CCN5: variants seen among roughly 807,000 people sequenced by gnomAD.
The protein encoded by CCN5 is CCN family member 5.
In CCN5, 17 loss-of-function variants were observed where a neutral mutation model predicts 18.7. The ratio of observed to expected loss-of-function variants is 0.91; its 90% CI spans 0.62 to 1.36. The LOEUF (loss-of-function observed/expected upper bound fraction) is 1.36, where lower values mean the gene tolerates loss of function less well. Ranked by LOEUF, CCN5 falls within the 40% of genes most tolerant of loss-of-function variation. CCN5 has a pLI of 0.00. For synonymous variants in CCN5, 135 were observed against 145.2 expected, an observed-to-expected ratio of 0.93 and a Z score of 0.50; for missense variants, 367 against 342.9, an observed-to-expected ratio of 1.07 and a Z score of -0.56.
Position 44,727,082 on chromosome 20 carries a change from C to A in CCN5, c.533-5C>A, listed in dbSNP as rs200713905. ...CAGTGCTAACTCTTGTTCTTTCCCCCCTAGGACCCCAGTTTTCTGGCCTTG... is the reference window on the plus strand; with the variant it reads ...CAGTGCTAACTCTTGTTCTTTCCCCACTAGGACCCCAGTTTTCTGGCCTTG... On this transcript the variant is annotated splice_region_variant and splice_polypyrimidine_tract_variant and intron_variant, in intron 3 of 3. Transcript: ENST00000190983. The A allele has an allele frequency of 1.5e-4, 232 of 1,575,564 alleles. No homozygotes were observed. Among genetic ancestry groups the A allele is most frequent in the Non-Finnish European group, 1.8e-4 (203 of 1,158,454 alleles).
intron 1 of CCN5, 118 bp from the exon 2 acceptor site, chr20:44,719,779 G>T: frequency 1.9e-6 from 2 of 1,056,382 alleles, no homozygotes; most frequent in Admixed American, 2.7e-5. Flanking sequence ...GGTCTGCATG[G>T]CTCTGAGGCT....
chr20:44,716,317 C>G (rs1220184129), intron 1 of CCN5, among the ~76,000 whole-genome samples: 1 of 152,174 alleles, frequency 6.6e-6, no homozygotes, highest in East Asian at 1.9e-4. Context: ...ATGCTGAGTT[C>G]CCAGAGCCAT....
intron 2 of CCN5, 34 bp from the exon 3 acceptor site, chr20:44,724,704 G>T: frequency 6.2e-7 from 1 of 1,610,370 alleles, no homozygotes; most frequent in Non-Finnish European, 8.5e-7. Context: ...CCGCTTTGCG[G>T]GTCACCGATG....
Position 44,724,807 on chromosome 20 carries a change from A to G in CCN5, c.347A>G (p.His116Arg). 6.2e-7 allele frequency: 1 copy of G among 1,611,944 alleles called. No homozygotes were observed. Among genetic ancestry groups the G allele is most frequent in the Non-Finnish European group, 8.5e-7 (1 of 1,179,660 alleles). The change falls in exon 3 of 4, where the codon CAC (histidine) becomes CGC (arginine). Residue 116 changes from histidine (H) to arginine (R), a missense_variant. By Grantham distance (29) the His-to-Arg change is conservative (BLOSUM62 0). Transcript: ENST00000190983. The part of the protein sequence containing the change: ...LYREGETFQP[H>R]CSIRCRCEDG... The stretch of plus-strand genomic sequence containing the variant: ...CGGGAAGGGGAGACCTTCCAGCCCC[A>G]CTGCAGCATCCGCTGCCGCTGCGAG...
intron 1 of CCN5, 145 bp downstream of exon 1, chr20:44,715,595 G>T: frequency 1.1e-6 from 1 of 892,862 alleles, no homozygotes; most frequent in Non-Finnish European, 1.7e-6. Context: ...GCCTAAGCAG[G>T]GCTTCTCTCC....
Position 44,720,054 on chromosome 20 carries a change from G to T in CCN5, c.218G>T (p.Ser73Ile). Residue 73 changes from serine (S) to isoleucine (I), a missense_variant, in exon 2 of 4, where the codon AGC becomes ATC. Physicochemically the swap from Ser to Ile is moderately radical, Grantham distance 142 (BLOSUM62 -2). Transcript: ENST00000190983. Reference sequence around the variant, plus strand: ...GACCAACTCCACGTCTGCGACGCCAGCCAGGGCCTGGTCTGCCAGCCCGGG... The same window carrying T: ...GACCAACTCCACGTCTGCGACGCCATCCAGGGCCTGGTCTGCCAGCCCGGG... Reference protein sequence around the residue: ...PCDQLHVCDASQGLVCQPGAG... With the variant: ...PCDQLHVCDAIQGLVCQPGAG... 2 of 1,590,568 alleles carry T rather than the reference G, an allele frequency of 1.3e-6. No homozygotes were observed. Among genetic ancestry groups the T allele is most frequent in the East Asian group, 2.3e-5 (1 of 44,310 alleles).
At chr20:44,724,506 G>A (rs1039994718) in intron 2 of CCN5, 1 of 583,818 alleles carries the variant, frequency 1.7e-6, no homozygotes, top group African/African-American at 1.9e-5. Context: ...AGAAAGGGCA[G>A]AGTTTGGGGG....
rs1301902047 is a variant in CCN5 at position 44,724,862 on chromosome 20, C to T, written c.402C>T (p.Cys134=). Residue 134 remains cysteine (C), a synonymous_variant, in exon 3 of 4, where the codon TGC becomes TGT. Coordinates refer to ENST00000190983, the MANE Select transcript of CCN5 (RefSeq NM_003881.4). The part of the protein sequence containing the change: ...EDGGFTCVPL[C]SEDVRLPSWD... The stretch of plus-strand genomic sequence containing the variant: ...GCGGCTTCACCTGCGTGCCGCTGTG[C>T]AGCGAGGATGTGCGGCTGCCCAGCT... The T allele has an allele frequency of 6.3e-7, 1 of 1,596,492 alleles. No individual in the cohort carries two copies. The highest frequency in any genetic ancestry group is 8.5e-7 in the Non-Finnish European group (1 of 1,172,608).
At chr20:44,724,508 G>GTA (rs2065921207) in intron 2 of CCN5, 1 of 593,928 alleles carries the variant, frequency 1.7e-6, no homozygotes. Flanking sequence ...AAAGGGCAGA[G>GTA]TTTGGGGGGT....
chr20:44,722,617 C>T (rs1032043306), intron 2 of CCN5, among the ~76,000 whole-genome samples: 6 of 152,064 alleles, frequency 3.9e-5, no homozygotes, highest in African/African-American at 1.4e-4. Context: ...CAGACACATA[C>T]CACCATGCCT....
upstream of CCN5, chr20:44,715,277 G>GTGTGTA: frequency 1.3e-6 from 1 of 770,684 alleles, no homozygotes; most frequent in African/African-American, 1.9e-5. Flanking sequence ...GCGCGCGCGC[G>GTGTGTA]CGCGTGTGTA....
In CCN5 at chr20:44,727,370, C is replaced by A; in HGVS notation, c.*63C>A. The A allele has an allele frequency of 6.6e-7, 1 of 1,522,316 alleles. No homozygotes were observed. Among genetic ancestry groups the A allele is most frequent in the Middle Eastern group, 1.7e-4 (1 of 5,728 alleles). The allele number at this position is 1,522,316 out of a possible 1,614,324, so 94.3% of individuals were successfully genotyped here. The stretch of plus-strand genomic sequence containing the variant: ...CCAGCTGGTGGCCCTGTGCCTGGGC[C>A]CTGGGCTGATGGAAGATGGTCCGTG... On this transcript the variant is annotated 3_prime_UTR_variant, in exon 4 of 4. Transcript: ENST00000190983.
In CCN5 at chr20:44,720,025, C is replaced by G. The variant is rs753513180; in HGVS notation, c.189C>G (p.Pro63=). The change falls in exon 2 of 4, where the codon CCC becomes CCG. Residue 63 remains proline, a synonymous_variant. Coordinates refer to ENST00000190983, the MANE Select transcript of CCN5 (RefSeq NM_003881.4). ...CRVCARRLGE[P]CDQLHVCDAS... ...TATGTGCACGGCGGCTGGGGGAGCC[C>G]TGCGACCAACTCCACGTCTGCGACG... The G allele has an allele frequency of 6.0e-5, 97 of 1,605,406 alleles. 2 individuals carry two copies. In the South Asian group the frequency reaches 9.6e-4, roughly 16 times the overall value.
chr20:44,724,703 G>C (rs368509084), intron 2 of CCN5, 35 bp from the exon 3 acceptor site: 6 of 1,609,996 alleles, frequency 3.7e-6, no homozygotes, highest in Non-Finnish European at 5.1e-6. Flanking sequence ...GCCGCTTTGC[G>C]GGTCACCGAT....
intron 3 of CCN5, 53 bp from the exon 4 acceptor site, chr20:44,727,034 T>C: frequency 6.8e-7 from 1 of 1,481,454 alleles, no homozygotes; most frequent in Non-Finnish European, 9.0e-7. Context: ...GTGGGTTGAT[T>C]GAGCTGCTGA....
chr20:44,715,726 G>T (rs1462255306), intron 1 of CCN5, among the ~76,000 whole-genome samples: 1 of 152,184 alleles, frequency 6.6e-6, no homozygotes, highest in Non-Finnish European at 1.5e-5. Context: ...CCTCTGTGAA[G>T]ACCATTCATG....
At position 44,719,970 on chromosome 20, in the gene CCN5, T is replaced by C. The variant is rs992818174; in HGVS notation, c.134T>C (p.Leu45Pro). 3.1e-6 allele frequency: 5 copies of C among 1,613,550 alleles called. No homozygotes were observed. Among genetic ancestry groups the C allele is most frequent in the Non-Finnish European group, 4.2e-6 (5 of 1,179,940 alleles). Reference protein sequence around the residue: ...PPPRCPLGVPLVLDGCGCCRV... With the variant: ...PPPRCPLGVPPVLDGCGCCRV... ...CCCCGATGCCCGCTGGGAGTACCCC[T>C]GGTGCTGGATGGCTGTGGCTGCTGC... is the stretch of plus-strand genomic sequence containing the variant. The change falls in exon 2 of 4, where the codon CTG becomes CCG. Residue 45 changes from leucine to proline, a missense_variant. Leu to Pro is a moderately conservative substitution (Grantham distance 98). Coordinates refer to ENST00000190983, the MANE Select transcript of CCN5 (RefSeq NM_003881.4).
chr20:44,717,399 GA>G (rs1309438821), intron 1 of CCN5, among the ~76,000 whole-genome samples: 3 of 152,174 alleles, frequency 2.0e-5, no homozygotes, highest in Admixed American at 6.5e-5. Context: ...TCCACAGTGG[GA>G]GCCAAGGTGC....
rs1004575719 is a variant in CCN5, at chr20:44,727,751, G to T, written c.*444G>T. ...GAAGAGAAGGCACACAGAGATTCTGGATCTCCTGCTGCCTTTTCTGGAGTT... is the reference window on the plus strand; with the variant it reads ...GAAGAGAAGGCACACAGAGATTCTGTATCTCCTGCTGCCTTTTCTGGAGTT... On this transcript the variant is annotated 3_prime_UTR_variant, in exon 4 of 4. Coordinates refer to ENST00000190983, the MANE Select transcript of CCN5 (RefSeq NM_003881.4). 3 of 288,570 alleles carry T rather than the reference G, an allele frequency of 1.0e-5. No individual in the cohort carries two copies. The highest frequency in any genetic ancestry group is 1.0e-4 in the Admixed American group (2 of 19,058). 17.9% of individuals were successfully genotyped at this position (288,570 alleles called of 1,614,324 possible).
Sources: allele counts gnomAD v4.1 joint callset (sites outside exome capture counted in the v4.1 genomes callset), GRCh38; gene constraint gnomAD v4.1.1; transcripts MANE v1.5; gene names NCBI Gene and HGNC (gene_info 2026-07-23, HGNC 2026-07-21).